The following USHBP1 variants were observed in gnomAD, a reference collection of about 807,000 sequenced individuals.
USHBP1 encodes the protein harmonin-binding protein USHBP1.
Under a neutral mutation model 76.2 loss-of-function variants are expected in USHBP1, and 67 were observed. That is an observed-to-expected ratio of 0.88 (90% CI 0.72 to 1.08). USHBP1 has a LOEUF of 1.08. USHBP1 is among the 50% of genes least tolerant of loss of function. USHBP1 has a pLI of 0.00. For synonymous variants in USHBP1, 322 were observed against 362.2 expected (o/e 0.89, Z 1.26); for missense variants, 931 against 915.0 (o/e 1.02, Z -0.23).
chr19:17,255,565 C>A lies in USHBP1; in HGVS notation c.1512G>T (p.Arg504=). The A allele has an allele frequency of 6.2e-7, 1 of 1,612,988 alleles. No individual in the cohort carries two copies. Among genetic ancestry groups the A allele is most frequent in the South Asian group, 1.1e-5 (1 of 91,028 alleles). ...GCAGCTCTAGGCCCCGCTTCTCACG[C>A]CGCACCAGCTGCAGCCGAAGCATCA... ...ADLMLRLQLV[R]REKRGLELRE... The change falls in exon 10 of 13, where the codon CGG becomes CGT. Residue 504 remains arginine, a synonymous_variant. Coordinates refer to ENST00000252597, the MANE Select transcript of USHBP1 (RefSeq NM_031941.4).
At chr19:17,250,549 G>T in intron 12 of USHBP1, 135 bp from the exon 13 acceptor site, 1 of 977,816 alleles carries the variant, frequency 1.0e-6, no homozygotes, top group Non-Finnish European at 1.5e-6. Flanking sequence ...GTCTTTTGTT[G>T]TTGTTGTTGT....
intron 9 of USHBP1, among the ~76,000 whole-genome samples, 176 bp from the exon 10 acceptor site, chr19:17,255,782 C>T (rs1370669058): frequency 6.6e-6 from 1 of 152,066 alleles, no homozygotes; most frequent in Non-Finnish European, 1.5e-5. Context: ...GGGTGGATTA[C>T]CTGAGGTCAG....
rs757859767 is a variant in USHBP1 at position 17,250,266 on chromosome 19, G to A, written c.2071C>T (p.Pro691Ser). ...CCAAGCTGGGGAGGCGGGAGGGGAG[G>A]CCTGGGCTTCCCCAGGGCCCTTGCA... is the stretch of plus-strand genomic sequence containing the variant. ...ATARALGKPR[P>S]PLPPPQLGDT... is the part of the protein sequence containing the mutation. The change falls in exon 13 of 13, where the codon CCT becomes TCT. Residue 691 changes from proline to serine, a missense_variant. Pro to Ser is a moderately conservative substitution (Grantham distance 74). Transcript: ENST00000252597. 3.1e-6 allele frequency: 5 copies of A among 1,613,088 alleles called. No individual in the cohort carries two copies. In the Admixed American group the frequency reaches 8.3e-5, roughly 27 times the overall value.
chr19:17,259,988 T>A lies in USHBP1; in HGVS notation c.677A>T (p.Glu226Val). ...GTTGTGGGAAAGATGTGGGCAGGGC[T>A]CCAGCCTCAAGAGGGAATCCTGCAG... ...QELQDSLLRL[E>V]PCPHLSHNQA... Residue 226 changes from glutamate (E) to valine (V), a missense_variant, in exon 5 of 13, where the codon GAG (glutamate) becomes GTG (valine). By Grantham distance (121) the Glu-to-Val change is moderately radical. Transcript: ENST00000252597. The A allele has an allele frequency of 6.2e-7, 1 of 1,613,798 alleles. No homozygotes were observed. Among genetic ancestry groups the A allele is most frequent in the Admixed American group, 1.7e-5 (1 of 60,004 alleles).
chr19:17,258,332 G>A lies in USHBP1; in HGVS notation c.1100C>T (p.Ser367Leu). Residue 367 changes from serine (S) to leucine (L), a missense_variant, in exon 8 of 13, where the codon TCA (serine) becomes TTA (leucine). Transcript: ENST00000252597. ...RVLLALREAD[S>L]GAGDEAPMSD... ...CATGGGGGCTTCGTCTCCTGCTCCT[G>A]AGTCGGCCTCCCGCAGAGCAAGCAG... is the stretch of plus-strand genomic sequence containing the variant. The A allele has an allele frequency of 1.2e-6, 2 of 1,614,078 alleles. No individual in the cohort carries two copies. The highest frequency in any genetic ancestry group is 1.3e-5 in the African/African-American group (1 of 75,056).
Position 17,262,646 on chromosome 19 carries a change from A to G in USHBP1, c.548T>C (p.Leu183Pro), listed in dbSNP as rs1183544286. The G allele has an allele frequency of 4.3e-6, 7 of 1,613,774 alleles. No homozygotes were observed. Among genetic ancestry groups the G allele is most frequent in the African/African-American group, 1.3e-5 (1 of 74,898 alleles). ...CTCTCGGCTACTCAGGGCCAGCCGG[A>G]GCCAGGCATTCCTCTCGGCCAGGCG... Reference protein sequence around the residue: ...AARLAERNAWLRLALSSREDE... With the variant: ...AARLAERNAWPRLALSSREDE... Residue 183 changes from leucine to proline, a missense_variant, in exon 4 of 13, where the codon CTC (leucine) becomes CCC (proline). By Grantham distance (98) the Leu-to-Pro change is moderately conservative. Transcript: ENST00000252597.
chr19:17,260,153 C>T, intron 4 of USHBP1, 131 bp from the exon 5 acceptor site: 7 of 1,214,424 alleles, frequency 5.8e-6, no homozygotes, highest in Non-Finnish European at 7.6e-6. Context: ...ACTTAGCCTG[C>T]CAAAAATCTC....
rs894653606 is a variant in USHBP1, at chr19:17,263,722, C to T, written c.203+280G>A. 9.2e-5 allele frequency: 32 copies of T among 346,468 alleles called. No homozygotes were observed. In the Admixed American group the frequency reaches 9.6e-4, roughly 10 times the overall value. The allele number at this position is 346,468 out of a possible 1,614,324, so 21.5% of individuals were successfully genotyped here. A position where few individuals can be genotyped will look rare whatever the true frequency, so the allele number is the denominator to read the frequency against. On this transcript the variant is annotated intron_variant, in intron 3 of 12. Transcript: ENST00000252597. ...GGCCTGTCTCACTAAAAATGCAAAA[C>T]TTAGCCGGATGTGGTGGCGCACACC...
intron 10 of USHBP1, among the ~76,000 whole-genome samples, chr19:17,254,359 A>T (rs930713337): frequency 6.6e-6 from 1 of 151,094 alleles, no homozygotes; most frequent in Non-Finnish European, 1.5e-5. Context: ...AAAAAATAAA[A>T]AATAATAATA....
chr19:17,262,720 A>G lies in USHBP1; in HGVS notation c.474T>C (p.Gly158=), dbSNP rs2073705003. 1.2e-6 allele frequency: 2 copies of G among 1,613,984 alleles called. No individual in the cohort carries two copies. Among genetic ancestry groups the G allele is most frequent in the Admixed American group, 3.3e-5 (2 of 59,990 alleles). The change falls in exon 4 of 13, where the codon GGT becomes GGC. Residue 158 remains glycine, a synonymous_variant. Coordinates refer to ENST00000252597, the MANE Select transcript of USHBP1 (RefSeq NM_031941.4). ...EFEGTSEGGA[G]SLGKQEGAGS... ...CTGCCCCTTCCTGCTTCCCAAGGGA[A>G]CCTGCTCCCCCTTCGCTTGTGCCTT...
chr19:17,254,586 G>A (rs1207459020), intron 10 of USHBP1, among the ~76,000 whole-genome samples: 3 of 151,720 alleles, frequency 2.0e-5, no homozygotes, highest in Non-Finnish European at 4.4e-5. Flanking sequence ...AACCCAGGAG[G>A]TGGAGGTTGT....
intron 4 of USHBP1, among the ~76,000 whole-genome samples, chr19:17,260,366 G>A (rs895554745): frequency 6.6e-6 from 1 of 152,092 alleles, no homozygotes; most frequent in Non-Finnish European, 1.5e-5. Flanking sequence ...GTCTTGCTCT[G>A]TTACCTAGGC....
chr19:17,250,415 C>T lies in USHBP1; in HGVS notation c.1923-1G>A, dbSNP rs755433600. 6.2e-7 allele frequency: 1 copy of T among 1,611,214 alleles called. No individual in the cohort carries two copies. The highest frequency in any genetic ancestry group is 1.7e-5 in the Admixed American group (1 of 59,436). ...TCCTCGGAAGGCCAGGACCAGGGCG[C>T]TGGAAGGGGTGGGTGGCTGGGTCAG... On this transcript the variant is annotated splice_acceptor_variant, in intron 12 of 12. Coordinates refer to ENST00000252597, the MANE Select transcript of USHBP1 (RefSeq NM_031941.4). LOFTEE classifies it high-confidence loss of function.
chr19:17,258,737 GA>G (rs757934814), intron 7 of USHBP1: 66 of 299,150 alleles, frequency 2.2e-4, no homozygotes, highest in Middle Eastern at 1.2e-3. Flanking sequence ...AAAGAAAAAA[GA>G]AAAAAAAATC....
chr19:17,263,227 A>G (rs1158831849), intron 3 of USHBP1: 2 of 370,962 alleles, frequency 5.4e-6, no homozygotes, highest in East Asian at 4.3e-5. Context: ...TAGTAGAGAC[A>G]GGGTTTCACC....
rs1475486295 is a variant in USHBP1 at position 17,251,536 on chromosome 19, TG to T, written c.1922+45del. ...GCCAGGGATACTTCTGATATCCTGG[TG>T]GGGGATGGTGCCAGGGGGATTGGGG... is the stretch of plus-strand genomic sequence containing the variant. On this transcript the variant is annotated intron_variant, in intron 12 of 12. Transcript: ENST00000252597. The T allele has an allele frequency of 8.7e-6, 14 of 1,608,570 alleles. 1 individual carries two copies. The highest frequency in any genetic ancestry group is 8.5e-6 in the Non-Finnish European group (10 of 1,177,274).
chr19:17,251,822 C>T, intron 11 of USHBP1, 89 bp downstream of exon 11: 3 of 1,548,918 alleles, frequency 1.9e-6, no homozygotes, highest in Non-Finnish European at 2.6e-6. Context: ...CCGGGGTACA[C>T]CTTAGCTTCT....
chr19:17,257,020 C>CTTT (rs574690408), intron 8 of USHBP1, among the ~76,000 whole-genome samples: 2 of 131,830 alleles, frequency 1.5e-5, no homozygotes, highest in African/African-American at 2.8e-5. Context: ...GAGAATCCGT[C>CTTT]TTTTTTTTTT....
At chr19:17,251,455 C>T (rs2073550072) in intron 12 of USHBP1, 127 bp downstream of exon 12, 1 of 1,344,118 alleles carries the variant, frequency 7.4e-7, no homozygotes. Context: ...TGAGCCACCA[C>T]ACCTGACCGT....
Sources: gnomAD v4.1 joint callset for allele counts (sites outside exome capture counted in the v4.1 genomes callset) on GRCh38, gnomAD v4.1.1 for gene constraint, MANE v1.5 for transcripts, NCBI Gene and HGNC (gene_info 2026-07-23, HGNC 2026-07-21) for gene names.